Variants in SPRTN observed in about 807,000 individuals in gnomAD.
SPRTN encodes the protein SprT-like N-terminal domain.
In SPRTN, 11 loss-of-function variants were observed where a neutral mutation model predicts 31.9. That is an observed-to-expected ratio of 0.34 (90% CI 0.22 to 0.57). The LOEUF (loss-of-function observed/expected upper bound fraction) is 0.57, where lower values mean the gene tolerates loss of function less well. SPRTN is among the 20% of genes least tolerant of loss of function. The probability of loss-of-function intolerance (pLI) is 0.86; values close to 1 mark genes in which losing one functional copy is unlikely to be tolerated. For missense variants in SPRTN, 482 were observed against 590.1 expected (o/e 0.82, Z 1.90); for synonymous variants, 185 against 212.1 (o/e 0.87, Z 1.11).
At chr1:231,341,701 A>G (rs1054231316) in intron 2 of SPRTN, among the ~76,000 whole-genome samples, 8 of 152,200 alleles carry the variant, frequency 5.3e-5, no homozygotes, top group South Asian at 2.1e-4. Flanking sequence ...AGAATATACA[A>G]TCAGGCTGGG....
intron 3 of SPRTN, among the ~76,000 whole-genome samples, chr1:231,349,682 T>C (rs1488159261): frequency 6.6e-6 from 1 of 152,160 alleles, no homozygotes; most frequent in Non-Finnish European, 1.5e-5. Flanking sequence ...AAAAGTCACA[T>C]TCCCAAGCGT....
intron 2 of SPRTN, among the ~76,000 whole-genome samples, chr1:231,347,140 G>T (rs1687084708): frequency 6.6e-6 from 1 of 152,020 alleles, no homozygotes; most frequent in African/African-American, 2.4e-5. Flanking sequence ...GATTTATTTG[G>T]ATTTTGGAAT....
chr1:231,346,246 T>C (rs1363052884), intron 2 of SPRTN, among the ~76,000 whole-genome samples: 1 of 143,576 alleles, frequency 7.0e-6, no homozygotes, highest in Non-Finnish European at 1.5e-5. Context: ...TGGAGTGCAG[T>C]GGTGCATTCT....
chr1:231,352,035 G>A (rs1687254888), intron 4 of SPRTN: 13 of 993,582 alleles, frequency 1.3e-5, no homozygotes, highest in Non-Finnish European at 1.6e-5. Flanking sequence ...CTCTATTGAT[G>A]TATGTATGTT....
intron 2 of SPRTN, chr1:231,344,755 T>A (rs753616416): frequency 6.7e-6 from 2 of 299,316 alleles, no homozygotes; most frequent in Non-Finnish European, 1.5e-5. Flanking sequence ...CTTAAAAAAA[T>A]TATTTATATT....
chr1:231,346,338 G>A lies in SPRTN; in HGVS notation c.322-1459G>A, dbSNP rs200102148. 1.5e-3 allele frequency among the ~76,000 whole-genome samples: 228 copies of A among 151,006 alleles called. 1 individual carries two copies. The highest frequency in any genetic ancestry group is 3.4e-3 in the Middle Eastern group (1 of 290). ...TGAGTATACTGCTCGGACTACAGGC[G>A]GGCGCAACTATGCCCAGCCAAAATT... On this transcript the variant is annotated intron_variant, in intron 2 of 4. Coordinates refer to ENST00000295050, the MANE Select transcript of SPRTN (RefSeq NM_032018.7).
At chr1:231,338,695 C>G (rs1571987279) in intron 1 of SPRTN, 91 bp downstream of exon 1, 2 of 1,487,648 alleles carry the variant, frequency 1.3e-6, no homozygotes, top group Non-Finnish European at 1.9e-6. Flanking sequence ...TCTAGTCCGA[C>G]GGTCCCAGGG....
chr1:231,351,610 T>C (rs985973795), intron 4 of SPRTN, 39 bp downstream of exon 4: 3 of 1,604,348 alleles, frequency 1.9e-6, no homozygotes, highest in Middle Eastern at 1.7e-4. Flanking sequence ...TATGTGACCA[T>C]AGCTATGATG....
rs72752557 is a variant in SPRTN at position 231,350,215 on chromosome 1, T to A, written c.451-1089T>A. 9.3e-3 allele frequency among the ~76,000 whole-genome samples: 1,424 copies of A among 152,322 alleles called. 13 individuals carry two copies. Among genetic ancestry groups the A allele is most frequent in the Non-Finnish European group, 0.013 (894 of 68,030 alleles). Reference sequence around the variant, plus strand: ...TTGCTTAGGATGGAGCGATAGTGAGTTTAAAACTATCTATAGAGTTATAGA... The same window carrying A: ...TTGCTTAGGATGGAGCGATAGTGAGATTAAAACTATCTATAGAGTTATAGA... On this transcript the variant is annotated intron_variant, in intron 3 of 4. Transcript: ENST00000295050.
At position 231,353,326 on chromosome 1, in the gene SPRTN, G is replaced by A. The variant is rs1401547893; in HGVS notation, c.1435G>A (p.Asp479Asn). ...NEHLDWCLEG[D>N]SIKVKSEESL The stretch of plus-strand genomic sequence containing the variant: ...GCACTTGGACTGGTGCCTTGAAGGT[G>A]ACAGCATCAAAGTCAAAAGCGAAGA... Residue 479 changes from aspartate (D) to asparagine (N), a missense_variant, in exon 5 of 5, where the codon GAC (aspartate) becomes AAC (asparagine). Physicochemically the swap from Asp to Asn is conservative, Grantham distance 23. Transcript: ENST00000295050. The A allele has an allele frequency of 1.9e-6, 3 of 1,595,670 alleles. No individual in the cohort carries two copies. Among genetic ancestry groups the A allele is most frequent in the East Asian group, 4.5e-5 (2 of 44,808 alleles).
At chr1:231,350,447 C>T (rs549125626) in intron 3 of SPRTN, among the ~76,000 whole-genome samples, 32 of 152,050 alleles carry the variant, frequency 2.1e-4, no homozygotes, top group African/African-American at 6.5e-4. Flanking sequence ...GAGGGCTGAC[C>T]CTCTTTTCAG....
intron 3 of SPRTN, 152 bp downstream of exon 3, chr1:231,348,077 T>C (rs1687116099): frequency 2.9e-6 from 3 of 1,026,066 alleles, no homozygotes; most frequent in Admixed American, 5.9e-5. Flanking sequence ...TTGGCTTGTC[T>C]GGGACTACAT....
chr1:231,353,945 GGCA>G lies in SPRTN; in HGVS notation c.*589_*591del. On this transcript the variant is annotated 3_prime_UTR_variant, in exon 5 of 5. Transcript: ENST00000295050. ...ATTTGTCCCACTTTTACTAAACAGT[GGCA>G]GCAGATTTTAAGTTAAAGAATATGG... 1 of 930,122 alleles carries G rather than the reference GGCA, an allele frequency of 1.1e-6. No individual in the cohort carries two copies. The highest frequency in any genetic ancestry group is 1.3e-6 in the Non-Finnish European group (1 of 779,594). The allele number at this position is 930,122 out of a possible 1,614,324, so 57.6% of individuals were successfully genotyped here. A position where few individuals can be genotyped will look rare whatever the true frequency, so the allele number is the denominator to read the frequency against.
chr1:231,353,793 A>G lies in SPRTN; in HGVS notation c.*432A>G, dbSNP rs203744. On this transcript the variant is annotated 3_prime_UTR_variant, in exon 5 of 5. Coordinates refer to ENST00000295050, the MANE Select transcript of SPRTN (RefSeq NM_032018.7). ...TGTAAATCTTCATAGTGTCAGACAT[A>G]CTGACCAAAACCACAATCTAGACTA... 108,671 of 976,706 alleles carry G rather than the reference A, an allele frequency of 0.11. 6,401 individuals carry two copies. Among genetic ancestry groups the G allele is most frequent in the Non-Finnish European group, 0.12 (94,800 of 821,784 alleles). 60.5% of individuals were successfully genotyped at this position (976,706 alleles called of 1,614,324 possible).
intron 2 of SPRTN, 67 bp downstream of exon 2, chr1:231,339,935 C>A: frequency 6.8e-7 from 1 of 1,461,226 alleles, no homozygotes; most frequent in Non-Finnish European, 9.6e-7. Context: ...ATTTAGACTG[C>A]TGTGAATTCG....
intron 2 of SPRTN, among the ~76,000 whole-genome samples, chr1:231,347,275 C>T (rs768302745): frequency 6.6e-6 from 1 of 152,180 alleles, no homozygotes; most frequent in African/African-American, 2.4e-5. Context: ...TTTGGATTTT[C>T]AGAGTTGGGA....
intron 2 of SPRTN, among the ~76,000 whole-genome samples, chr1:231,341,331 ATT>A (rs879424796): frequency 6.9e-6 from 1 of 145,160 alleles, no homozygotes; most frequent in Admixed American, 7.0e-5. Flanking sequence ...AGTGTTTCAG[ATT>A]TTTTTTTTTT....
chr1:231,344,349 G>GA (rs1230523342), intron 2 of SPRTN, among the ~76,000 whole-genome samples: 13 of 151,748 alleles, frequency 8.6e-5, no homozygotes, highest in Admixed American at 5.3e-4. Context: ...ACAAAAAATT[G>GA]AAAAAAAATT....
At position 231,353,530 on chromosome 1, in the gene SPRTN, A is replaced by T. The variant is rs115782522; in HGVS notation, c.*169A>T. The T allele has an allele frequency of 1.1e-3, 1,415 of 1,340,002 alleles. 7 individuals carry two copies. In the African/African-American group the frequency reaches 0.019, roughly 18 times the overall value. 83.0% of individuals were successfully genotyped at this position (1,340,002 alleles called of 1,614,324 possible). A position where few individuals can be genotyped will look rare whatever the true frequency, so the allele number is the denominator to read the frequency against. Reference sequence around the variant, plus strand: ...ACGCATATAAGATTGTAATTTTAAGATGTTTTGTGTCTCAGGGTGCTACAT... The same window carrying T: ...ACGCATATAAGATTGTAATTTTAAGTTGTTTTGTGTCTCAGGGTGCTACAT... On this transcript the variant is annotated 3_prime_UTR_variant, in exon 5 of 5. Coordinates refer to ENST00000295050, the MANE Select transcript of SPRTN (RefSeq NM_032018.7).
Sources: gnomAD v4.1 joint callset for allele counts (sites outside exome capture counted in the v4.1 genomes callset) on GRCh38, gnomAD v4.1.1 for gene constraint, MANE v1.5 for transcripts, NCBI Gene and HGNC (gene_info 2026-07-23, HGNC 2026-07-21) for gene names.